Variants in ADGRG6 observed in about 807,000 individuals in gnomAD.
The protein encoded by ADGRG6 is adhesion G protein-coupled receptor G6.
Under a neutral mutation model 142.4 loss-of-function variants are expected in ADGRG6, and 84 were observed. The observed-to-expected ratio is 0.59, with a 90% CI of 0.49 to 0.71. ADGRG6 has a LOEUF of 0.71. ADGRG6 is among the 30% of genes least tolerant of loss of function. ADGRG6 has a pLI of 0.00. For missense variants in ADGRG6, 1,367 were observed against 1,466.6 expected (o/e 0.93, Z 1.11); for synonymous variants, 521 against 520.5 (o/e 1.00, Z -0.01).
chr6:142,391,413 G>A (rs115571920), intron 7 of ADGRG6, among the ~76,000 whole-genome samples: 1,714 of 139,848 alleles, frequency 0.012, 36 homozygotes, highest in African/African-American at 0.043. Context: ...GAAAGTTTAC[G>A]CATTGAGAGG....
Position 142,417,286 on chromosome 6 carries a change from A to T in ADGRG6, c.2952A>T (p.Leu984Phe). 2 of 1,593,036 alleles carry T rather than the reference A, an allele frequency of 1.3e-6. No homozygotes were observed. The highest frequency in any genetic ancestry group is 1.1e-5 in the South Asian group (1 of 89,610). ...TTTTTGTAACAGGTTTGCCTGCCTT[A>T]GTGGTGTCAGTTGTTCTAGCGAGCA... The part of the protein sequence containing the change: ...FCIIGWGLPA[L>F]VVSVVLASRN... Residue 984 changes from leucine (L) to phenylalanine (F), a missense_variant, in exon 21 of 25, where the codon TTA (leucine) becomes TTT (phenylalanine). Transcript: ENST00000367609.
chr6:142,346,351 G>A (rs1263345204), intron 2 of ADGRG6, among the ~76,000 whole-genome samples: 3 of 152,080 alleles, frequency 2.0e-5, no homozygotes, highest in African/African-American at 4.8e-5. Context: ...TCTAACTTGC[G>A]TGAGATGTTA....
rs35253608 is a variant in ADGRG6 at position 142,391,434 on chromosome 6, T to TACACACACAC, written c.1308+1127_1308+1136dup. Among the ~76,000 whole-genome samples the TACACACACAC allele has an allele frequency of 1.6e-3, 214 of 132,460 alleles. 1 individual carries two copies. The highest frequency in any genetic ancestry group is 5.5e-3 in the African/African-American group (203 of 36,870). 86.9% of individuals were successfully genotyped at this position (132,460 alleles called of 152,430 possible). ...TTACGCATTGAGAGGAAGTGGTAGC[T>TACACACACAC]ACACACACACACACACACACACACA... On this transcript the variant is annotated intron_variant, in intron 7 of 24. Transcript: ENST00000367609.
chr6:142,308,758 CT>C (rs147079155), intron 1 of ADGRG6, among the ~76,000 whole-genome samples: 160 of 145,900 alleles, frequency 1.1e-3, no homozygotes, highest in African/African-American at 2.4e-3. Flanking sequence ...GCTGGTTTGC[CT>C]TTTTTTTTTG....
In ADGRG6 at chr6:142,419,887, T is replaced by C. The variant is rs2115096591; in HGVS notation, c.3102T>C (p.Phe1034=). The C allele has an allele frequency of 6.2e-7, 1 of 1,612,580 alleles. No individual in the cohort carries two copies. The highest frequency in any genetic ancestry group is 1.3e-5 in the African/African-American group (1 of 74,982). Residue 1034 remains phenylalanine (F), a synonymous_variant, in exon 22 of 25, where the codon TTT becomes TTC. Transcript: ENST00000367609. The stretch of plus-strand genomic sequence containing the variant: ...CTGGGTATTTTGGAGTCATGTTTTT[T>C]CTGAACATTGCCATGTTCATTGTGG... ...TCAGYFGVMF[F]LNIAMFIVVM...
At chr6:142,421,322 A>G (rs1044017046) in intron 22 of ADGRG6, among the ~76,000 whole-genome samples, 2 of 152,170 alleles carry the variant, frequency 1.3e-5, no homozygotes, top group African/African-American at 4.8e-5. Flanking sequence ...TAGTTCAGCA[A>G]ATTTTATTCA....
chr6:142,445,415 C>T lies in ADGRG6; in HGVS notation c.*1900C>T, dbSNP rs1460660693. 1 of 152,034 alleles carries T rather than the reference C, an allele frequency of 6.6e-6. No individual in the cohort carries two copies. Among genetic ancestry groups the T allele is most frequent in the African/African-American group, 2.4e-5 (1 of 41,382 alleles). 9.4% of individuals were successfully genotyped at this position (152,034 alleles called of 1,614,324 possible). On this transcript the variant is annotated 3_prime_UTR_variant, in exon 25 of 25. Transcript: ENST00000367609. ...TCACTGAATATTCATATACATTTCC[C>T]CCAAAACCTTAGACATTCATAGTAG...
chr6:142,413,338 G>A (rs1776187661), intron 18 of ADGRG6, among the ~76,000 whole-genome samples: 1 of 151,988 alleles, frequency 6.6e-6, no homozygotes. Flanking sequence ...TATATCTTCT[G>A]GTCTACAAAT....
chr6:142,361,079 T>A (rs1051545153), intron 2 of ADGRG6, among the ~76,000 whole-genome samples: 3 of 152,198 alleles, frequency 2.0e-5, no homozygotes, highest in African/African-American at 7.2e-5. Context: ...GTCTCTAACT[T>A]GAAATTCTTA....
At chr6:142,402,475 G>T in intron 12 of ADGRG6, 145 bp from the exon 13 acceptor site, 1 of 571,666 alleles carries the variant, frequency 1.7e-6, no homozygotes. Context: ...ATTGCCTTGT[G>T]AATATGGGGA....
intron 2 of ADGRG6, among the ~76,000 whole-genome samples, chr6:142,314,480 C>T (rs2114544057): frequency 6.6e-6 from 1 of 152,278 alleles, no homozygotes; most frequent in Non-Finnish European, 1.5e-5. Context: ...TGATGAGTCT[C>T]AAGCTATCTG....
In ADGRG6 at chr6:142,390,354, T is replaced by G; in HGVS notation, c.1308+11T>G. The G allele has an allele frequency of 6.6e-7, 1 of 1,515,988 alleles. No individual in the cohort carries two copies. Among genetic ancestry groups the G allele is most frequent in the Non-Finnish European group, 9.0e-7 (1 of 1,105,672 alleles). The allele number at this position is 1,515,988 out of a possible 1,614,324, so 93.9% of individuals were successfully genotyped here. On this transcript the variant is annotated intron_variant, in intron 7 of 24. Transcript: ENST00000367609. ...AAGGTGGCAGAATGGGTAAGTGAGC[T>G]TGTAACTTTTCTTTTTTAAAAAAAT...
intron 1 of ADGRG6, among the ~76,000 whole-genome samples, chr6:142,304,318 C>T (rs1777377286): frequency 6.6e-6 from 1 of 152,126 alleles, no homozygotes; most frequent in Admixed American, 6.5e-5. Flanking sequence ...TAATTATAGA[C>T]TTTACGAATA....
intron 10 of ADGRG6, among the ~76,000 whole-genome samples, chr6:142,398,455 T>C (rs1424772133): frequency 6.6e-6 from 1 of 152,144 alleles, no homozygotes; most frequent in Non-Finnish European, 1.5e-5. Flanking sequence ...TCTCCTTCTC[T>C]CATGTTCCCT....
intron 2 of ADGRG6, among the ~76,000 whole-genome samples, chr6:142,365,008 A>G (rs1405675283): frequency 1.3e-5 from 2 of 152,200 alleles, no homozygotes; most frequent in Admixed American, 1.3e-4. Flanking sequence ...CTTCTTGGAA[A>G]AATGATGCTG....
At chr6:142,351,802 G>A (rs1265481237) in intron 2 of ADGRG6, among the ~76,000 whole-genome samples, 1 of 151,948 alleles carries the variant, frequency 6.6e-6, no homozygotes, top group African/African-American at 2.4e-5. Context: ...ATCCAACAAA[G>A]GTCAAATATC....
intron 15 of ADGRG6, 132 bp from the exon 16 acceptor site, chr6:142,408,018 G>A: frequency 5.5e-6 from 3 of 549,100 alleles, no homozygotes; most frequent in Admixed American, 6.7e-5. Flanking sequence ...GCAACTTGAT[G>A]TGATAAACAG....
chr6:142,415,144 G>A (rs1260786826), intron 19 of ADGRG6, 48 bp downstream of exon 19: 3 of 1,519,400 alleles, frequency 2.0e-6, no homozygotes, highest in South Asian at 2.5e-5. Flanking sequence ...TGTTCCAAAT[G>A]TGAATAAGAA....
chr6:142,348,462 C>G (rs1158906553), intron 2 of ADGRG6, among the ~76,000 whole-genome samples: 1 of 152,040 alleles, frequency 6.6e-6, no homozygotes, highest in Non-Finnish European at 1.5e-5. Context: ...TTTTCTAATT[C>G]CCTACATTAT....
Sources: allele counts gnomAD v4.1 joint callset (sites outside exome capture counted in the v4.1 genomes callset), GRCh38; gene constraint gnomAD v4.1.1; transcripts MANE v1.5; gene names NCBI Gene and HGNC (gene_info 2026-07-23, HGNC 2026-07-21).